Variants in RASEF observed in about 807,000 individuals in gnomAD.
The protein encoded by RASEF is RAS and EF-hand domain containing.
RASEF carries 68 observed loss-of-function variants against 90.1 expected under a neutral mutation model. That is an observed-to-expected ratio of 0.75 (90% CI 0.62 to 0.92). The LOEUF (loss-of-function observed/expected upper bound fraction) is 0.92, where lower values mean the gene tolerates loss of function less well. Among genes scored for constraint, RASEF ranks in the 40% least tolerant of loss-of-function variants. The pLI is 0.00. For synonymous variants in RASEF, 331 were observed against 345.2 expected (o/e 0.96, Z 0.46); for missense variants, 949 against 937.2 (o/e 1.01, Z -0.16).
rs867485444 is a variant in RASEF at position 82,979,668 on chromosome 9, A to G, written c.*3009T>C. ...CTTAGACATTTGCATTGCTATAAAA[A>G]TTACACTTTATGGTATAATTATTAA... On this transcript the variant is annotated 3_prime_UTR_variant, in exon 17 of 17. Coordinates refer to ENST00000376447, the MANE Select transcript of RASEF (RefSeq NM_152573.4). The G allele has an allele frequency of 2.1e-4, 32 of 152,216 alleles. No homozygotes were observed. Among genetic ancestry groups the G allele is most frequent in the South Asian group, 4.1e-4 (2 of 4,826 alleles). The allele number at this position is 152,216 out of a possible 1,614,324, so 9.4% of individuals were successfully genotyped here. A position where few individuals can be genotyped will look rare whatever the true frequency, so the allele number is the denominator to read the frequency against.
At chr9:83,194,194 C>T in the RASEF span, among the ~76,000 whole-genome samples, 1 of 152,172 alleles carries the variant, frequency 6.6e-6, no homozygotes, top group African/African-American at 2.4e-5. Context: ...TGTCCTTTTC[C>T]TGTTTTAGGA....
chr9:83,101,964 C>T, the RASEF span, among the ~76,000 whole-genome samples: 1 of 152,278 alleles, frequency 6.6e-6, no homozygotes, highest in Non-Finnish European at 1.5e-5. Context: ...GCATCACAGC[C>T]TTCTTGCACT....
chr9:82,986,829 C>T (rs1453367276), intron 16 of RASEF, among the ~76,000 whole-genome samples: 1 of 152,104 alleles, frequency 6.6e-6, no homozygotes, highest in African/African-American at 2.4e-5. Context: ...TGTTTAAAGC[C>T]TGTGGTTCTG....
At chr9:82,994,455 G>A (rs770740578) in intron 14 of RASEF, among the ~76,000 whole-genome samples, 1 of 152,110 alleles carries the variant, frequency 6.6e-6, no homozygotes, top group African/African-American at 2.4e-5. Context: ...CTTATCGTCA[G>A]GCCTTTTAAC....
chr9:83,072,492 T>C, the RASEF span, among the ~76,000 whole-genome samples: 1 of 152,244 alleles, frequency 6.6e-6, no homozygotes, highest in African/African-American at 2.4e-5. Flanking sequence ...AGTCCCACAA[T>C]AGGCCATCTG....
the RASEF span, among the ~76,000 whole-genome samples, chr9:83,205,434 A>C: frequency 6.6e-6 from 1 of 152,306 alleles, no homozygotes; most frequent in East Asian, 1.9e-4. Context: ...CTACTTTCTC[A>C]ACAAAATCCA....
the RASEF span, among the ~76,000 whole-genome samples, chr9:83,186,032 A>G: frequency 6.6e-6 from 1 of 152,076 alleles, no homozygotes; most frequent in Non-Finnish European, 1.5e-5. Context: ...CTTTCAACTG[A>G]GTTGAGTGTG....
chr9:83,183,838 A>G, the RASEF span, among the ~76,000 whole-genome samples: 1 of 152,240 alleles, frequency 6.6e-6, no homozygotes, highest in African/African-American at 2.4e-5. Context: ...GAGAACAGAA[A>G]GCAGTCCCTC....
chr9:82,990,577 A>G lies in RASEF; in HGVS notation c.2041-110T>C, dbSNP rs534659393. ...ATATGTTCCTACTGAGCATGCTAAG[A>G]GTAACTAATAGCTAAGAAACTGAAT... On this transcript the variant is annotated intron_variant, in intron 15 of 16. Coordinates refer to ENST00000376447, the MANE Select transcript of RASEF (RefSeq NM_152573.4). 59 of 668,178 alleles carry G rather than the reference A, an allele frequency of 8.8e-5. 1 individual carries two copies. In the South Asian group the frequency reaches 1.1e-3, roughly 12 times the overall value. The allele number at this position is 668,178 out of a possible 1,614,324, so 41.4% of individuals were successfully genotyped here.
chr9:82,996,958 G>T, intron 14 of RASEF, 54 bp downstream of exon 14: 1 of 1,010,024 alleles, frequency 9.9e-7, no homozygotes, highest in Non-Finnish European at 1.6e-6. Flanking sequence ...CATTTTCCAA[G>T]ATGGCCTAAA....
At chr9:83,023,382 A>G (rs1829478671) in intron 2 of RASEF, among the ~76,000 whole-genome samples, 2 of 152,210 alleles carry the variant, frequency 1.3e-5, no homozygotes, top group Non-Finnish European at 2.9e-5. Context: ...GACAAATGAC[A>G]TGCTATTAAT....
At chr9:83,137,463 T>A in the RASEF span, among the ~76,000 whole-genome samples, 5 of 152,256 alleles carry the variant, frequency 3.3e-5, no homozygotes, top group South Asian at 1.0e-3. Context: ...TTGAAAAACA[T>A]GGGACATCAT....
At chr9:83,080,155 T>C in the RASEF span, among the ~76,000 whole-genome samples, 1 of 152,240 alleles carries the variant, frequency 6.6e-6, no homozygotes, top group Non-Finnish European at 1.5e-5. Flanking sequence ...TCTGTTAGGC[T>C]AGTTACCAGG....
intron 1 of RASEF, among the ~76,000 whole-genome samples, chr9:83,040,578 C>T (rs1449378795): frequency 1.3e-5 from 2 of 152,062 alleles, no homozygotes; most frequent in African/African-American, 4.8e-5. Context: ...ATTTCTCTTT[C>T]GAAATCAGTA....
the RASEF span, among the ~76,000 whole-genome samples, chr9:83,144,391 G>GGAAGGAAAGAAA: frequency 2.7e-4 from 9 of 33,242 alleles, no homozygotes; most frequent in South Asian, 6.3e-3. Context: ...AAGAAAGAAA[G>GGAAGGAAAGAAA]GAAAGAAAGA....
At chr9:83,072,264 T>G in the RASEF span, among the ~76,000 whole-genome samples, 1 of 152,128 alleles carries the variant, frequency 6.6e-6, no homozygotes, top group Non-Finnish European at 1.5e-5. Flanking sequence ...CTTCTGCCCA[T>G]GTACCCTGCC....
At chr9:83,076,183 C>T in the RASEF span, among the ~76,000 whole-genome samples, 66 of 148,082 alleles carry the variant, frequency 4.5e-4, no homozygotes, top group African/African-American at 1.6e-3. Context: ...AAAAAAAAAT[C>T]TAAAGCCACT....
chr9:83,011,766 T>C (rs1829251448), intron 5 of RASEF, among the ~76,000 whole-genome samples: 1 of 151,994 alleles, frequency 6.6e-6, no homozygotes, highest in Non-Finnish European at 1.5e-5. Flanking sequence ...AAGAATGTCA[T>C]TATCCAAATA....
intron 7 of RASEF, among the ~76,000 whole-genome samples, chr9:83,006,164 T>A (rs1829126863): frequency 6.6e-6 from 1 of 152,208 alleles, no homozygotes; most frequent in African/African-American, 2.4e-5. Context: ...CTTAGCTCAA[T>A]CCTCACTTCC....
Sources: gnomAD v4.1 joint callset for allele counts (sites outside exome capture counted in the v4.1 genomes callset) on GRCh38, gnomAD v4.1.1 for gene constraint, MANE v1.5 for transcripts, NCBI Gene and HGNC (gene_info 2026-07-23, HGNC 2026-07-21) for gene names.